FMN2: variants seen among roughly 807,000 people sequenced by gnomAD.
FMN2 encodes formin-2.
In FMN2, 51 loss-of-function variants were observed where a neutral mutation model predicts 142.3. The ratio of observed to expected loss-of-function variants is 0.36; its 90% CI spans 0.29 to 0.45. The LOEUF (loss-of-function observed/expected upper bound fraction) is 0.45. Ranked by LOEUF, FMN2 falls within the 20% of genes least tolerant of loss-of-function variation. The probability of loss-of-function intolerance (pLI) is 1.00; values close to 1 mark genes in which losing one functional copy is unlikely to be tolerated. For missense variants in FMN2, 1,936 were observed against 2,122.8 expected, an observed-to-expected ratio of 0.91 and a Z score of 1.73; for synonymous variants, 882 against 869.8, an observed-to-expected ratio of 1.01 and a Z score of -0.25.
rs1015292183 is a variant in FMN2, at chr1:240,093,793, C to T, written c.1615+69C>T. The stretch of plus-strand genomic sequence containing the variant: ...TCAGTCAGGGCCTTCCCCTGCCACC[C>T]GCCCTCCCTGGGCTCTGGAAGGCGG... On this transcript the variant is annotated intron_variant, in intron 1 of 17. Coordinates refer to ENST00000319653, the MANE Select transcript of FMN2 (RefSeq NM_020066.5). The T allele has an allele frequency of 9.7e-6, 11 of 1,135,360 alleles. No homozygotes were observed. In the African/African-American group the frequency reaches 1.5e-4, roughly 15 times the overall value. The allele number at this position is 1,135,360 out of a possible 1,614,324, so 70.3% of individuals were successfully genotyped here.
At chr1:240,168,641 T>C (rs1430926803) in intron 2 of FMN2, among the ~76,000 whole-genome samples, 1 of 152,238 alleles carries the variant, frequency 6.6e-6, no homozygotes, top group African/African-American at 2.4e-5. Context: ...ATAGTAATAA[T>C]GTGTTTATTG....
chr1:240,144,538 G>A (rs1055483177), intron 2 of FMN2: 2 of 1,452,748 alleles, frequency 1.4e-6, no homozygotes, highest in Admixed American at 1.7e-5. Context: ...ATGTGAAGAT[G>A]TCTTCTACCA....
chr1:240,328,161 A>AAAAAAAAAAAAAAAAAAC, intron 8 of FMN2, among the ~76,000 whole-genome samples: 1 of 149,266 alleles, frequency 6.7e-6, no homozygotes, highest in East Asian at 1.9e-4. Flanking sequence ...AAAAAAAAAA[A>AAAAAAAAAAAAAAAAAAC]AAAAAAAAAA....
chr1:240,383,356 A>G (rs960662750), intron 14 of FMN2, among the ~76,000 whole-genome samples: 1 of 152,172 alleles, frequency 6.6e-6, no homozygotes, highest in African/African-American at 2.4e-5. Flanking sequence ...ATACTTGCAA[A>G]TTATGCTCCT....
chr1:240,098,027 A>T (rs1661274865), intron 1 of FMN2, among the ~76,000 whole-genome samples: 1 of 151,602 alleles, frequency 6.6e-6, no homozygotes, highest in South Asian at 2.1e-4. Flanking sequence ...CTAGCTAATT[A>T]ATAAAGTGCA....
intron 6 of FMN2, among the ~76,000 whole-genome samples, chr1:240,226,117 G>A (rs1003647650): frequency 6.6e-6 from 1 of 151,920 alleles, no homozygotes; most frequent in East Asian, 1.9e-4. Context: ...GAGAAAAGGG[G>A]CAGAAAAATA....
intron 14 of FMN2, among the ~76,000 whole-genome samples, chr1:240,380,266 A>C (rs949972638): frequency 6.6e-6 from 1 of 152,188 alleles, no homozygotes; most frequent in Non-Finnish European, 1.5e-5. Context: ...TTTTAAATGA[A>C]AATAATATTA....
chr1:240,430,461 A>G lies in FMN2; in HGVS notation c.4911-7600A>G, dbSNP rs574207850. 1.1e-4 allele frequency among the ~76,000 whole-genome samples: 16 copies of G among 152,276 alleles called. No individual in the cohort carries two copies. In the South Asian group the frequency reaches 3.3e-3, roughly 32 times the overall value. ...CCAACTCTTATGAGTATGAAATGGC[A>G]TAATGGTATATTTAAATGAAAGGAA... On this transcript the variant is annotated intron_variant, in intron 15 of 17. Transcript: ENST00000319653.
intron 14 of FMN2, among the ~76,000 whole-genome samples, chr1:240,367,567 G>C (rs1672715240): frequency 6.6e-6 from 1 of 151,886 alleles, no homozygotes; most frequent in South Asian, 2.1e-4. Context: ...AGGAGATCGA[G>C]ACCATCCTGG....
chr1:240,401,515 A>T (rs1204238089), intron 15 of FMN2, among the ~76,000 whole-genome samples: 1 of 152,234 alleles, frequency 6.6e-6, no homozygotes, highest in Non-Finnish European at 1.5e-5. Context: ...TTCTGTTTTT[A>T]TCTCAGTGAT....
At chr1:240,237,948 C>T (rs939633986) in intron 6 of FMN2, among the ~76,000 whole-genome samples, 6 of 152,168 alleles carry the variant, frequency 3.9e-5, no homozygotes, top group Admixed American at 3.9e-4. Flanking sequence ...TTTTATTTGA[C>T]TTCTCAATGA....
At chr1:240,429,143 G>A (rs2103158493) in intron 15 of FMN2, among the ~76,000 whole-genome samples, 1 of 152,176 alleles carries the variant, frequency 6.6e-6, no homozygotes, top group South Asian at 2.1e-4. Flanking sequence ...CTAAGTTCTT[G>A]TACCTTATGT....
chr1:240,370,435 AC>A (rs1409701501), intron 14 of FMN2, among the ~76,000 whole-genome samples: 1 of 152,066 alleles, frequency 6.6e-6, no homozygotes, highest in East Asian at 1.9e-4. Flanking sequence ...TTCTCTACTT[AC>A]CCACCTTTTT....
chr1:240,384,388 T>C (rs561017263), intron 14 of FMN2, among the ~76,000 whole-genome samples: 1 of 152,344 alleles, frequency 6.6e-6, no homozygotes, highest in Non-Finnish European at 1.5e-5. Context: ...TGTTGTATGA[T>C]CACACCATGA....
At chr1:240,403,752 T>C (rs890555406) in intron 15 of FMN2, among the ~76,000 whole-genome samples, 3 of 152,328 alleles carry the variant, frequency 2.0e-5, no homozygotes, top group African/African-American at 7.2e-5. Context: ...TAATAAGTAA[T>C]GTGCTTTATT....
At chr1:240,165,280 A>T (rs1229712247) in intron 2 of FMN2, among the ~76,000 whole-genome samples, 4 of 152,138 alleles carry the variant, frequency 2.6e-5, no homozygotes, top group Admixed American at 1.3e-4. Context: ...GGCTCAAGTG[A>T]TCCTCTAGCC....
chr1:240,273,845 T>G (rs1669103600), intron 7 of FMN2, among the ~76,000 whole-genome samples: 1 of 152,116 alleles, frequency 6.6e-6, no homozygotes, highest in Non-Finnish European at 1.5e-5. Flanking sequence ...TGCCAACTTC[T>G]GTGCCAAGTA....
chr1:240,180,653 G>A (rs559839822), intron 3 of FMN2, among the ~76,000 whole-genome samples: 1 of 138,160 alleles, frequency 7.2e-6, no homozygotes, highest in South Asian at 2.4e-4. Context: ...TGCAACCTCC[G>A]CCTCCTGAGT....
intron 8 of FMN2, among the ~76,000 whole-genome samples, chr1:240,302,120 C>A (rs1415309520): frequency 6.6e-6 from 1 of 151,802 alleles, no homozygotes; most frequent in African/African-American, 2.4e-5. Flanking sequence ...CTTTTGCTGT[C>A]TTTATTCTTT....
Sources: gnomAD v4.1 joint callset for allele counts (sites outside exome capture counted in the v4.1 genomes callset) on GRCh38, gnomAD v4.1.1 for gene constraint, MANE v1.5 for transcripts, NCBI Gene and HGNC (gene_info 2026-07-23, HGNC 2026-07-21) for gene names.